DRC9: variants seen among roughly 807,000 people sequenced by gnomAD.
The protein encoded by DRC9 is dynein regulatory complex protein 9.
chr3:197,891,757 CAAATTT>C, the DRC9 span, among the ~76,000 whole-genome samples: 3 of 152,048 alleles, frequency 2.0e-5, no homozygotes, highest in African/African-American at 7.3e-5. Flanking sequence ...TTTAATAATT[CAAATTT>C]AAATTCTATC....
chr3:197,958,488 T>C, the DRC9 span: 1 of 152,402 alleles, frequency 6.6e-6, no homozygotes, highest in South Asian at 2.1e-4. Flanking sequence ...GAGATGGTTT[T>C]GTGGGAGGAG....
the DRC9 span, among the ~76,000 whole-genome samples, chr3:197,890,474 C>A: frequency 6.6e-6 from 1 of 150,842 alleles, no homozygotes; most frequent in African/African-American, 2.4e-5. Flanking sequence ...CATTTCATAT[C>A]TTTAGTGATT....
the DRC9 span, among the ~76,000 whole-genome samples, chr3:197,910,929 G>A: frequency 4.8e-5 from 7 of 146,220 alleles, no homozygotes; most frequent in East Asian, 1.0e-3. Flanking sequence ...CCAAGATCAC[G>A]CCACTGCACT....
the DRC9 span, among the ~76,000 whole-genome samples, chr3:197,920,788 C>T: frequency 6.6e-6 from 1 of 152,014 alleles, no homozygotes; most frequent in African/African-American, 2.4e-5. Context: ...AGTGCTGATC[C>T]ATTGTTATCT....
chr3:197,953,149 G>A, the DRC9 span, among the ~76,000 whole-genome samples: 3 of 152,158 alleles, frequency 2.0e-5, no homozygotes, highest in Admixed American at 1.3e-4. Flanking sequence ...CCCACTCCAA[G>A]CCAATTAAAA....
At chr3:197,919,059 C>T in the DRC9 span, among the ~76,000 whole-genome samples, 2 of 152,152 alleles carry the variant, frequency 1.3e-5, no homozygotes, top group South Asian at 2.1e-4. Flanking sequence ...CCACCTGCCT[C>T]GGCCTCCCAA....
the DRC9 span, among the ~76,000 whole-genome samples, chr3:197,890,030 A>C: frequency 6.6e-6 from 1 of 152,208 alleles, no homozygotes; most frequent in Non-Finnish European, 1.5e-5. Flanking sequence ...CAGGTTCCCC[A>C]TACTTAACAG....
chr3:197,892,576 AC>A, the DRC9 span: 3 of 1,558,614 alleles, frequency 1.9e-6, no homozygotes, highest in Admixed American at 3.4e-5. Context: ...CTCAGTGAGC[AC>A]CCTAATTCCT....
At chr3:197,909,639 T>G in the DRC9 span, among the ~76,000 whole-genome samples, 2 of 152,144 alleles carry the variant, frequency 1.3e-5, no homozygotes, top group African/African-American at 4.8e-5. Context: ...ACAAAGTAAA[T>G]GTAAGAAGAA....
At chr3:197,907,153 T>C in the DRC9 span, among the ~76,000 whole-genome samples, 1 of 152,150 alleles carries the variant, frequency 6.6e-6, no homozygotes, top group African/African-American at 2.4e-5. Context: ...CCTGCCTATG[T>C]AGGAAAGCAA....
the DRC9 span, chr3:197,889,703 C>A: frequency 1.3e-5 from 21 of 1,614,112 alleles, no homozygotes; most frequent in African/African-American, 1.3e-5. Flanking sequence ...TGCCTCGCCA[C>A]CAGGCCTGGA....
At chr3:197,955,709 A>T in the DRC9 span, 10 of 1,528,072 alleles carry the variant, frequency 6.5e-6, no homozygotes, top group Non-Finnish European at 9.1e-6. Context: ...AGACGTATAT[A>T]TAACATTCAC....
the DRC9 span, chr3:197,950,710 T>C: frequency 1.7e-6 from 1 of 572,658 alleles, no homozygotes; most frequent in Non-Finnish European, 3.1e-6. Context: ...TCCTGTCCCT[T>C]AGTTTTGTCT....
the DRC9 span, chr3:197,950,200 C>T: frequency 1.6e-6 from 2 of 1,231,594 alleles, no homozygotes; most frequent in East Asian, 3.2e-5. Context: ...CTTCTCTTAC[C>T]GCCATCTTGG....
chr3:197,902,034 A>G, the DRC9 span, among the ~76,000 whole-genome samples: 2 of 152,172 alleles, frequency 1.3e-5, no homozygotes, highest in Non-Finnish European at 2.9e-5. Flanking sequence ...AAAGAGTTAG[A>G]GACTCTGGGA....
the DRC9 span, among the ~76,000 whole-genome samples, chr3:197,952,155 A>G: frequency 1.4e-5 from 2 of 144,228 alleles, no homozygotes; most frequent in African/African-American, 2.5e-5. Context: ...ATGCCTTAAA[A>G]TTATGGGTTT....
At chr3:197,939,071 A>G in the DRC9 span, 10 of 322,790 alleles carry the variant, frequency 3.1e-5, no homozygotes, top group African/African-American at 2.2e-4. Flanking sequence ...GTAATTTTTT[A>G]TAAAGTATCT....
chr3:197,889,698 C>T, the DRC9 span: 45 of 1,614,036 alleles, frequency 2.8e-5, no homozygotes, highest in East Asian at 1.3e-4. Flanking sequence ...CATAGTGCCT[C>T]GCCACCAGGC....
At chr3:197,953,436 CTCAT>C in the DRC9 span, 7 of 456,606 alleles carry the variant, frequency 1.5e-5, no homozygotes, top group African/African-American at 1.0e-4. Context: ...AGTAGTTTCT[CTCAT>C]TCAGTAAAAG....
Sources: gnomAD v4.1 joint callset for allele counts (sites outside exome capture counted in the v4.1 genomes callset) on GRCh38, gnomAD v4.1.1 for gene constraint, MANE v1.5 for transcripts, NCBI Gene and HGNC (gene_info 2026-07-23, HGNC 2026-07-21) for gene names.